The following PARD3 variants were observed in gnomAD, a reference collection of about 807,000 sequenced individuals.
PARD3 encodes partitioning defective 3 homolog.
In PARD3, 75 loss-of-function variants were observed where a neutral mutation model predicts 155.4. The ratio of observed to expected loss-of-function variants is 0.48; its 90% CI spans 0.40 to 0.58. PARD3 has a LOEUF of 0.58. PARD3 is among the 20% of genes least tolerant of loss of function. The pLI, the probability that PARD3 is intolerant of heterozygous loss-of-function variation, is 0.00. For synonymous variants in PARD3, 576 were observed against 610.5 expected (o/e 0.94, Z 0.83); for missense variants, 1,642 against 1,721.7 (o/e 0.95, Z 0.82).
chr10:34,612,376 T>C (rs1406615663), intron 2 of PARD3, among the ~76,000 whole-genome samples: 1 of 152,196 alleles, frequency 6.6e-6, no homozygotes, highest in Non-Finnish European at 1.5e-5. Flanking sequence ...GAAATTATTC[T>C]TTAGGAAGAG....
intron 22 of PARD3, among the ~76,000 whole-genome samples, chr10:34,165,202 T>C (rs1949471819): frequency 6.6e-6 from 1 of 152,188 alleles, no homozygotes; most frequent in African/African-American, 2.4e-5. Context: ...TCTGAGAATA[T>C]GAACTAGGTC....
At position 34,307,199 on chromosome 10, in the gene PARD3, T is replaced by C. The variant is rs762155355; in HGVS notation, c.3065+9908A>G. Among the ~76,000 whole-genome samples, 76 of 152,254 alleles carry C rather than the reference T, an allele frequency of 5.0e-4. 2 individuals are homozygous for C. The highest frequency in any genetic ancestry group is 6.8e-4 in the Non-Finnish European group (46 of 68,026). On this transcript the variant is annotated intron_variant, in intron 20 of 24. Coordinates refer to ENST00000374788, the MANE Select transcript of PARD3 (RefSeq NM_001184785.2). ...GCCACCGCACCCGGCTCAAAAGTTTTATTTATTCATTCACTCAACACTGTT... is the reference window on the plus strand; with the variant it reads ...GCCACCGCACCCGGCTCAAAAGTTTCATTTATTCATTCACTCAACACTGTT...
In PARD3 at chr10:34,447,650, A is replaced by C. The variant is rs183473690; in HGVS notation, c.714+2667T>G. Among the ~76,000 whole-genome samples the C allele has an allele frequency of 9.2e-4, 139 of 151,528 alleles. 1 individual carries two copies. The highest frequency in any genetic ancestry group is 3.2e-3 in the African/African-American group (131 of 41,322). ...ACCCCGTCTCTACTAAAAATACAAAAAAAAATTAGCTGGGCGTGGTGGTGG... is the reference window on the plus strand; with the variant it reads ...ACCCCGTCTCTACTAAAAATACAAACAAAAATTAGCTGGGCGTGGTGGTGG... On this transcript the variant is annotated intron_variant, in intron 5 of 24. Coordinates refer to ENST00000374788, the MANE Select transcript of PARD3 (RefSeq NM_001184785.2).
At chr10:34,591,595 T>A (rs965429879) in intron 2 of PARD3, among the ~76,000 whole-genome samples, 2 of 152,078 alleles carry the variant, frequency 1.3e-5, no homozygotes, top group African/African-American at 4.8e-5. Flanking sequence ...AGGGGAGACT[T>A]TTCTGAGCAT....
chr10:34,335,906 T>C (rs1259525962), intron 18 of PARD3, among the ~76,000 whole-genome samples: 1 of 152,064 alleles, frequency 6.6e-6, no homozygotes, highest in East Asian at 1.9e-4. Flanking sequence ...AGGATTTTGA[T>C]TTTTTAAAAA....
intron 22 of PARD3, among the ~76,000 whole-genome samples, chr10:34,145,221 A>AT (rs57442429): frequency 2.4e-4 from 8 of 33,970 alleles, no homozygotes; most frequent in East Asian, 7.8e-4. Flanking sequence ...ATATATATAT[A>AT]TTTTTTTTTT....
chr10:34,336,771 T>A (rs1397083612), intron 17 of PARD3, among the ~76,000 whole-genome samples: 1 of 152,110 alleles, frequency 6.6e-6, no homozygotes, highest in Non-Finnish European at 1.5e-5. Flanking sequence ...ATTACTTTGA[T>A]TAAATGCCTT....
intron 2 of PARD3, among the ~76,000 whole-genome samples, chr10:34,650,163 C>T (rs1219725854): frequency 6.6e-6 from 1 of 152,164 alleles, no homozygotes; most frequent in Non-Finnish European, 1.5e-5. Context: ...AATACATAAG[C>T]CAGTAACAGA....
intron 20 of PARD3, among the ~76,000 whole-genome samples, chr10:34,312,086 GA>G (rs1015355378): frequency 6.6e-6 from 1 of 152,010 alleles, no homozygotes; most frequent in Non-Finnish European, 1.5e-5. Context: ...TTTCCACTAT[GA>G]AAAGGGGCCA....
intron 2 of PARD3, among the ~76,000 whole-genome samples, chr10:34,674,710 C>T (rs1364306009): frequency 6.6e-6 from 1 of 152,078 alleles, no homozygotes; most frequent in African/African-American, 2.4e-5. Context: ...TGGTCTCGAA[C>T]TCCTGACCTA....
intron 1 of PARD3, among the ~76,000 whole-genome samples, chr10:34,735,857 A>G (rs2094904091): frequency 6.6e-6 from 1 of 152,114 alleles, no homozygotes; most frequent in South Asian, 2.1e-4. Context: ...AATATTTTTT[A>G]TATATATGGT....
intron 4 of PARD3, among the ~76,000 whole-genome samples, chr10:34,451,395 A>G (rs2077047930): frequency 1.3e-5 from 2 of 152,304 alleles, no homozygotes; most frequent in South Asian, 2.1e-4. Context: ...TATCCTTAGT[A>G]ACACTGTTAA....
chr10:34,519,906 G>C (rs2082036617), intron 2 of PARD3, among the ~76,000 whole-genome samples: 1 of 131,628 alleles, frequency 7.6e-6, no homozygotes, highest in Non-Finnish European at 1.7e-5. Context: ...AAATCCCAAA[G>C]AGTAAAAAAC....
intron 2 of PARD3, among the ~76,000 whole-genome samples, chr10:34,660,909 G>A (rs112237071): frequency 1.3e-4 from 19 of 151,688 alleles, no homozygotes; most frequent in African/African-American, 3.4e-4. Flanking sequence ...AATTTTTTTT[G>A]GTTGTGTGCC....
chr10:34,769,422 T>C (rs187754898), intron 1 of PARD3, among the ~76,000 whole-genome samples: 15 of 152,282 alleles, frequency 9.9e-5, no homozygotes, highest in Admixed American at 9.8e-4. Context: ...AGCCCTGAAT[T>C]CAGCCCACCT....
chr10:34,749,266 T>C (rs1271320898), intron 1 of PARD3, among the ~76,000 whole-genome samples: 2 of 152,240 alleles, frequency 1.3e-5, no homozygotes, highest in Admixed American at 6.5e-5. Flanking sequence ...AACACCATGA[T>C]TATTTCCCAT....
At chr10:34,329,452 G>A (rs548848263) in intron 19 of PARD3, among the ~76,000 whole-genome samples, 16 of 152,218 alleles carry the variant, frequency 1.1e-4, no homozygotes, top group African/African-American at 3.6e-4. Flanking sequence ...TATTGATTAG[G>A]ATGGCAAGGA....
At chr10:34,499,942 T>A (rs1188673561) in intron 3 of PARD3, among the ~76,000 whole-genome samples, 1 of 152,254 alleles carries the variant, frequency 6.6e-6, no homozygotes, top group East Asian at 1.9e-4. Context: ...TAATACAATG[T>A]AACTGCTATG....
At chr10:34,396,420 A>G (rs571149806) in intron 7 of PARD3, among the ~76,000 whole-genome samples, 1 of 152,270 alleles carries the variant, frequency 6.6e-6, no homozygotes, top group Admixed American at 6.5e-5. Flanking sequence ...TAAGATCTAC[A>G]TGGCTGTAAA....
Sources: gnomAD v4.1 joint callset for allele counts (sites outside exome capture counted in the v4.1 genomes callset) on GRCh38, gnomAD v4.1.1 for gene constraint, MANE v1.5 for transcripts, NCBI Gene and HGNC (gene_info 2026-07-23, HGNC 2026-07-21) for gene names.